GAS2: variants seen among roughly 807,000 people sequenced by gnomAD.
GAS2 encodes growth arrest-specific protein 2.
GAS2 carries 20 observed loss-of-function variants against 37.5 expected under a neutral mutation model. The observed-to-expected ratio is 0.53, with a 90% CI of 0.37 to 0.77. The LOEUF (loss-of-function observed/expected upper bound fraction) is 0.77. Among genes scored for constraint, GAS2 ranks in the 30% least tolerant of loss-of-function variants. The pLI is 0.00. For synonymous variants in GAS2, 144 were observed against 132.2 expected (o/e 1.09, Z -0.61); for missense variants, 336 against 373.4 (o/e 0.90, Z 0.82).
chr11:22,645,860 T>G (rs1451415552), intron 1 of GAS2, among the ~76,000 whole-genome samples: 1 of 100,634 alleles, frequency 9.9e-6, no homozygotes, highest in Non-Finnish European at 2.1e-5. Flanking sequence ...TTTTTTTTTT[T>G]GAGACGGAGT....
chr11:22,646,722 A>G (rs1271414759), intron 1 of GAS2, among the ~76,000 whole-genome samples: 1 of 152,170 alleles, frequency 6.6e-6, no homozygotes, highest in Non-Finnish European at 1.5e-5. Flanking sequence ...TTAATCCAGA[A>G]AGCAAAAACC....
At chr11:22,725,438 T>C (rs560515591) in intron 3 of GAS2, among the ~76,000 whole-genome samples, 1 of 152,240 alleles carries the variant, frequency 6.6e-6, no homozygotes, top group African/African-American at 2.4e-5. Context: ...TGTAGAATGT[T>C]ATATTTTTGA....
At chr11:22,650,900 A>T (rs1460233696) in intron 1 of GAS2, among the ~76,000 whole-genome samples, 2 of 150,758 alleles carry the variant, frequency 1.3e-5, no homozygotes, top group African/African-American at 4.8e-5. Flanking sequence ...TTTTAATTGG[A>T]GCATTTAGTC....
At chr11:22,811,620 GAA>G (rs113746300) in intron 7 of GAS2, among the ~76,000 whole-genome samples, 176 bp from the exon 8 acceptor site, 1 of 151,538 alleles carries the variant, frequency 6.6e-6, no homozygotes, top group African/African-American at 2.4e-5. Context: ...CACTTCCACA[GAA>G]AAAAAACAGG....
At chr11:22,681,859 A>G (rs898246786) in intron 2 of GAS2, among the ~76,000 whole-genome samples, 3 of 152,060 alleles carry the variant, frequency 2.0e-5, no homozygotes, top group Non-Finnish European at 2.9e-5. Context: ...TACTGTTGAT[A>G]ATATTAATAT....
rs1853428361 is a variant in GAS2, at chr11:22,746,774, A to ACC, written c.474-2346_474-2345insCC. ...CTATGATCACTACCTGGGTAATGGG[A>ACC]TCATTTGTACCCCAAACCTCAACAT... On this transcript the variant is annotated intron_variant, in intron 5 of 7. Transcript: ENST00000454584. Among the ~76,000 whole-genome samples, 6 of 152,290 alleles carry ACC rather than the reference A, an allele frequency of 3.9e-5. No individual in the cohort carries two copies. In the South Asian group the frequency reaches 1.2e-3, roughly 32 times the overall value.
intron 2 of GAS2, 138 bp downstream of exon 2, chr11:22,675,152 A>AC (rs1407926523): frequency 3.5e-6 from 3 of 846,968 alleles, no homozygotes; most frequent in Admixed American, 3.2e-5. Flanking sequence ...GCATCTGGGA[A>AC]ACCTGAAGCA....
chr11:22,671,095 C>A (rs1251623771), intron 1 of GAS2, among the ~76,000 whole-genome samples: 1 of 152,018 alleles, frequency 6.6e-6, no homozygotes, highest in Non-Finnish European at 1.5e-5. Context: ...TAGACAGAGT[C>A]TTTAAACATG....
intron 7 of GAS2, among the ~76,000 whole-genome samples, chr11:22,805,604 T>A (rs1856848162): frequency 6.6e-6 from 1 of 152,142 alleles, no homozygotes; most frequent in Non-Finnish European, 1.5e-5. Flanking sequence ...ATCTTTAGAT[T>A]CCACATATGA....
rs3049395 is a variant in GAS2, at chr11:22,704,588, C to CATATATATATATATATATAT, written c.267+18816_267+18835dup. ...TCAATTAGAAGCCAGTGAAAATAAA[C>CATATATATATATATATATAT]ATATATATATATATATATATATATA... On this transcript the variant is annotated intron_variant, in intron 3 of 7. Coordinates refer to ENST00000454584, the MANE Select transcript of GAS2 (RefSeq NM_001143830.3). Among the ~76,000 whole-genome samples the CATATATATATATATATATAT allele has an allele frequency of 3.2e-3, 290 of 90,458 alleles. 6 individuals carry two copies. Among genetic ancestry groups the CATATATATATATATATATAT allele is most frequent in the East Asian group, 6.6e-3 (18 of 2,718 alleles). The allele number at this position is 90,458 out of a possible 152,430, so 59.3% of individuals were successfully genotyped here. A position where few individuals can be genotyped will look rare whatever the true frequency, so the allele number is the denominator to read the frequency against.
At chr11:22,706,503 G>A (rs1190268243) in intron 3 of GAS2, among the ~76,000 whole-genome samples, 1 of 150,052 alleles carries the variant, frequency 6.7e-6, no homozygotes, top group Non-Finnish European at 1.5e-5. Flanking sequence ...CCCCACAACA[G>A]TCCCCGGAGT....
chr11:22,667,272 C>T (rs944349981), intron 1 of GAS2: 2 of 152,192 alleles, frequency 1.3e-5, no homozygotes, highest in Admixed American at 6.5e-5. Flanking sequence ...TAAATGCACA[C>T]ATATGCATTC....
In GAS2 at chr11:22,694,348, G is replaced by A. The variant is rs190471228; in HGVS notation, c.267+8559G>A. 5.2e-4 allele frequency among the ~76,000 whole-genome samples: 79 copies of A among 152,222 alleles called. 1 individual carries two copies. The highest frequency in any genetic ancestry group is 4.3e-4 in the Non-Finnish European group (29 of 68,020). On this transcript the variant is annotated intron_variant, in intron 3 of 7. Coordinates refer to ENST00000454584, the MANE Select transcript of GAS2 (RefSeq NM_001143830.3). The stretch of plus-strand genomic sequence containing the variant: ...CTCTGGAAATTAAGTGCCAACGTGT[G>A]TTCCTGCCACCCGGAGAATTTCCAT...
Position 22,795,818 on chromosome 11 carries a change from CA to C in GAS2, c.724-15979del, listed in dbSNP as rs558223868. Among the ~76,000 whole-genome samples, 762 of 152,214 alleles carry C rather than the reference CA, an allele frequency of 5.0e-3. 9 individuals are homozygous for C. The highest frequency in any genetic ancestry group is 0.016 in the African/African-American group (668 of 41,558). ...CTCTCTAGTTGCTCCATTGAGAAAA[CA>C]CTGGGTGGCAAAAGTGAAAGCTCAA... On this transcript the variant is annotated intron_variant, in intron 7 of 7. Transcript: ENST00000454584.
In GAS2 at chr11:22,749,237, T is replaced by C. The variant is rs1400800479; in HGVS notation, c.591T>C (p.Ser197=). The change falls in exon 6 of 8, where the codon AGT becomes AGC. Residue 197 remains serine, a synonymous_variant. Transcript: ENST00000454584. ...CATCAAAGTCTTCTGGAAAAAAGAG[T>C]ACAGGAAACTTACTGGATGATGCAG... ...SPSSKSSGKK[S]TGNLLDDAVK... The C allele has an allele frequency of 1.9e-6, 3 of 1,611,850 alleles. No homozygotes were observed. Among genetic ancestry groups the C allele is most frequent in the Non-Finnish European group, 2.5e-6 (3 of 1,178,946 alleles).
intron 3 of GAS2, among the ~76,000 whole-genome samples, chr11:22,703,625 C>A (rs778159477): frequency 6.6e-6 from 1 of 152,096 alleles, no homozygotes; most frequent in Non-Finnish European, 1.5e-5. Context: ...AAAATGTAAG[C>A]ACTCACCATA....
chr11:22,791,376 A>G (rs139268358), intron 7 of GAS2, among the ~76,000 whole-genome samples: 64 of 152,058 alleles, frequency 4.2e-4, no homozygotes, highest in African/African-American at 1.5e-3. Context: ...AGCACATCTC[A>G]GTTTGCAGGT....
At chr11:22,682,888 G>GAAAAAAAAAAAAAAAAAAA (rs57025584) in intron 2 of GAS2, among the ~76,000 whole-genome samples, 2 of 102,362 alleles carry the variant, frequency 2.0e-5, no homozygotes, top group Non-Finnish European at 2.0e-5. Context: ...AAAAAAAAAG[G>GAAAAAAAAAAAAAAAAAAA]AAAAAAAAAA....
chr11:22,762,144 C>G (rs1040584597), intron 7 of GAS2, among the ~76,000 whole-genome samples: 1 of 152,104 alleles, frequency 6.6e-6, no homozygotes, highest in Non-Finnish European at 1.5e-5. Context: ...TTGTCCACAT[C>G]TTGCCACAAT....
Sources: gnomAD v4.1 joint callset for allele counts (sites outside exome capture counted in the v4.1 genomes callset) on GRCh38, gnomAD v4.1.1 for gene constraint, MANE v1.5 for transcripts, NCBI Gene and HGNC (gene_info 2026-07-23, HGNC 2026-07-21) for gene names.